PRMT9: variants seen among roughly 807,000 people sequenced by gnomAD.
PRMT9 encodes protein arginine N-methyltransferase 9.
PRMT9 carries 59 observed loss-of-function variants against 83.2 expected under a neutral mutation model. That is an observed-to-expected ratio of 0.71 (90% CI 0.57 to 0.88). The LOEUF (loss-of-function observed/expected upper bound fraction) is 0.88, where lower values mean the gene tolerates loss of function less well. PRMT9 is among the 40% of genes least tolerant of loss of function. The pLI, the probability that PRMT9 is intolerant of heterozygous loss-of-function variation, is 0.00. For missense variants in PRMT9, 947 were observed against 1,021.9 expected (o/e 0.93, Z 1.00); for synonymous variants, 333 against 353.2 (o/e 0.94, Z 0.64).
chr4:147,657,910 T>A lies in PRMT9; in HGVS notation c.1212A>T (p.Ile404=). ...KIGIPVIKEG[I]LDAIMVWFVL... is the part of the protein sequence containing the mutation. ...CAAACCAAACCATAATAGCATCTAG[T>A]ATGCCTTCTTTAATAACAGGAATAC... Residue 404 remains isoleucine, a synonymous_variant, in exon 8 of 12, where the codon ATA becomes ATT. Transcript: ENST00000322396. 6.2e-7 allele frequency: 1 copy of A among 1,607,392 alleles called. No individual in the cohort carries two copies. Among genetic ancestry groups the A allele is most frequent in the Non-Finnish European group, 8.5e-7 (1 of 1,177,650 alleles).
chr4:147,655,990 T>G (rs1254035259), intron 8 of PRMT9, among the ~76,000 whole-genome samples: 1 of 152,196 alleles, frequency 6.6e-6, no homozygotes, highest in Non-Finnish European at 1.5e-5. Context: ...GGTCGGCATT[T>G]TATACCCACT....
At chr4:147,652,430 G>A (rs936045789) in intron 9 of PRMT9, among the ~76,000 whole-genome samples, 76 of 150,776 alleles carry the variant, frequency 5.0e-4, no homozygotes, top group African/African-American at 1.6e-3. Flanking sequence ...CCAGCCTGGC[G>A]ACAGGGCGAG....
chr4:147,662,145 A>G (rs989463898), intron 6 of PRMT9, among the ~76,000 whole-genome samples: 3 of 152,230 alleles, frequency 2.0e-5, no homozygotes, highest in African/African-American at 4.8e-5. Context: ...TATCAGTAAT[A>G]TAACAGACAA....
chr4:147,641,235 A>G (rs1198607420), intron 10 of PRMT9, among the ~76,000 whole-genome samples: 1 of 151,910 alleles, frequency 6.6e-6, no homozygotes, highest in Non-Finnish European at 1.5e-5. Flanking sequence ...GTTGTTTCCT[A>G]CCCCTTTCAG....
chr4:147,671,935 T>G (rs1407220439), intron 4 of PRMT9: 8 of 452,356 alleles, frequency 1.8e-5, no homozygotes, highest in Admixed American at 1.7e-4. Context: ...GAAAGCAGAA[T>G]CTGCAATCCA....
intron 9 of PRMT9, among the ~76,000 whole-genome samples, chr4:147,643,229 T>G (rs947190804): frequency 3.3e-5 from 5 of 152,112 alleles, no homozygotes; most frequent in African/African-American, 1.2e-4. Context: ...ATCCCGCCAC[T>G]GCACTATAGC....
rs747466615 is a variant in PRMT9 at position 147,670,754 on chromosome 4, AT to A, written c.744-12del. On this transcript the variant is annotated splice_polypyrimidine_tract_variant and intron_variant, in intron 4 of 11. Coordinates refer to ENST00000322396, the MANE Select transcript of PRMT9 (RefSeq NM_138364.4). ...ACAACTAGGGACACTCTATAGAATG[AT>A]TTTTTAAAGATATATGTAAGTAAAA... 3.2e-6 allele frequency: 5 copies of A among 1,544,998 alleles called. No individual in the cohort carries two copies. In the African/African-American group the frequency reaches 5.4e-5, roughly 17 times the overall value.
chr4:147,661,646 C>T (rs1206531743), intron 6 of PRMT9, among the ~76,000 whole-genome samples: 1 of 151,850 alleles, frequency 6.6e-6, no homozygotes, highest in African/African-American at 2.4e-5. Context: ...AAAGATTAGC[C>T]GGGCGTGTTG....
In PRMT9 at chr4:147,639,073, G is replaced by C; in HGVS notation, c.2209C>G (p.Arg737Gly). The C allele has an allele frequency of 6.2e-7, 1 of 1,613,296 alleles. No homozygotes were observed. Among genetic ancestry groups the C allele is most frequent in the East Asian group, 2.2e-5 (1 of 44,750 alleles). Reference sequence around the variant, plus strand: ...AATGAGGATAGGTCCAAAAATACACGTATAGGTACCTAGAGAAAGTATAAA... The same window carrying C: ...AATGAGGATAGGTCCAAAAATACACCTATAGGTACCTAGAGAAAGTATAAA... ...PFINQFQVPI[R>G]VFLDLSSLPC... is the part of the protein sequence containing the mutation. The change falls in exon 11 of 12, where the codon CGT becomes GGT. Residue 737 changes from arginine to glycine, a missense_variant. Transcript: ENST00000322396.
rs186529029 is a variant in PRMT9, at chr4:147,683,905, G to C, written c.83C>G (p.Ser28Cys). The change falls in exon 1 of 12, where the codon TCC becomes TGC. Residue 28 changes from serine to cysteine, a missense_variant. Transcript: ENST00000322396. The part of the protein sequence containing the change: ...AAGRDELVSR[S>C]LQSAEHCLGV... ...CAGACAGTGCTCTGCGCTCTGCAAG[G>C]ACCGCGACACCAGCTCGTCCCGGCC... is the stretch of plus-strand genomic sequence containing the variant. 5.5e-5 allele frequency: 89 copies of C among 1,613,502 alleles called. No homozygotes were observed. In the Admixed American group the frequency reaches 1.5e-3, roughly 27 times the overall value.
At chr4:147,675,853 A>G (rs1007012318) in intron 2 of PRMT9, among the ~76,000 whole-genome samples, 4 of 152,158 alleles carry the variant, frequency 2.6e-5, no homozygotes, top group Non-Finnish European at 2.9e-5. Flanking sequence ...TGGACTAACA[A>G]AAGGTTGTGA....
intron 2 of PRMT9, among the ~76,000 whole-genome samples, chr4:147,678,546 C>G (rs1216060673): frequency 3.3e-5 from 5 of 152,178 alleles, no homozygotes; most frequent in African/African-American, 1.2e-4. Flanking sequence ...AAAACTGTCC[C>G]TTGGCTGGCA....
chr4:147,680,172 T>C (rs1466590383), intron 2 of PRMT9, 151 bp downstream of exon 2: 2 of 757,600 alleles, frequency 2.6e-6, no homozygotes, highest in Admixed American at 4.6e-5. Flanking sequence ...ATATTAAAAC[T>C]GCTATGATTA....
intron 2 of PRMT9, 142 bp from the exon 3 acceptor site, chr4:147,674,016 G>GA: frequency 2.8e-6 from 2 of 705,320 alleles, no homozygotes; most frequent in Non-Finnish European, 2.5e-6. Flanking sequence ...CCTCTTTTGG[G>GA]AAGCTGTCTG....
chr4:147,682,150 C>A (rs918579219), intron 1 of PRMT9, among the ~76,000 whole-genome samples: 5 of 152,090 alleles, frequency 3.3e-5, no homozygotes, highest in African/African-American at 1.2e-4. Flanking sequence ...GGACTACAGG[C>A]ACATGCCACC....
chr4:147,661,572 C>T (rs985758637), intron 6 of PRMT9, among the ~76,000 whole-genome samples: 8 of 151,886 alleles, frequency 5.3e-5, no homozygotes, highest in Non-Finnish European at 1.2e-4. Flanking sequence ...GGGTGGATCA[C>T]GAGGTCAGGA....
At chr4:147,657,766 T>TA (rs762695244) in intron 8 of PRMT9, 26 bp downstream of exon 8, 7,543 of 1,237,672 alleles carry the variant, frequency 6.1e-3, no homozygotes, top group Non-Finnish European at 7.3e-3. Flanking sequence ...AGCAAGAGGT[T>TA]AAAAAAAAAA....
In PRMT9 at chr4:147,654,579, G is replaced by C. The variant is rs1253999707; in HGVS notation, c.1331-13C>G. ...TTTATCCAGTAGTCTTCATTAAATA[G>C]TAAGGAAGAAAAAAAATATGGAGTA... is the stretch of plus-strand genomic sequence containing the variant. On this transcript the variant is annotated splice_polypyrimidine_tract_variant and intron_variant, in intron 8 of 11. Transcript: ENST00000322396. The C allele has an allele frequency of 6.4e-7, 1 of 1,550,754 alleles. No individual in the cohort carries two copies.
At chr4:147,655,328 A>G (rs1734411654) in intron 8 of PRMT9, among the ~76,000 whole-genome samples, 1 of 141,302 alleles carries the variant, frequency 7.1e-6, no homozygotes, top group African/African-American at 2.6e-5. Flanking sequence ...AGGCCCAGCT[A>G]TTTTTTTTTT....
Sources: allele counts gnomAD v4.1 joint callset (sites outside exome capture counted in the v4.1 genomes callset), GRCh38; gene constraint gnomAD v4.1.1; transcripts MANE v1.5; gene names NCBI Gene and HGNC (gene_info 2026-07-23, HGNC 2026-07-21).